Variants in BAAT observed in about 807,000 individuals in gnomAD.
BAAT encodes bile acid-CoA:amino acid N-acyltransferase.
BAAT carries 13 observed loss-of-function variants against 18.9 expected under a neutral mutation model. The ratio of observed to expected loss-of-function variants is 0.69; its 90% confidence interval spans 0.45 to 1.10. The LOEUF is 1.10. BAAT is among the 50% of genes least tolerant of loss of function. The probability of loss-of-function intolerance (pLI) is 0.00; values close to 1 mark genes in which losing one functional copy is unlikely to be tolerated. For missense variants in BAAT, 489 were observed against 504.0 expected (o/e 0.97, Z 0.28); for synonymous variants, 170 against 190.7 (o/e 0.89, Z 0.89).
At chr9:101,363,586 G>A (rs1829773389) in intron 3 of BAAT, among the ~76,000 whole-genome samples, 1 of 151,780 alleles carries the variant, frequency 6.6e-6, no homozygotes, top group African/African-American at 2.4e-5. Flanking sequence ...GAGTCACAGA[G>A]AGAAAAGGAA....
intron 1 of BAAT, among the ~76,000 whole-genome samples, chr9:101,378,497 A>T (rs767933596): frequency 8.5e-5 from 13 of 152,232 alleles, no homozygotes; most frequent in Non-Finnish European, 1.9e-4. Context: ...CCTATTTAAT[A>T]AACGGTCCTG....
intron 3 of BAAT, among the ~76,000 whole-genome samples, chr9:101,367,068 T>C (rs1829840884): frequency 7.2e-6 from 1 of 139,010 alleles, no homozygotes; most frequent in African/African-American, 2.7e-5. Flanking sequence ...GCTGAGATTG[T>C]GCCACTGCCT....
At chr9:101,367,807 C>T (rs1014523872) in intron 3 of BAAT, among the ~76,000 whole-genome samples, 1 of 152,128 alleles carries the variant, frequency 6.6e-6, no homozygotes, top group Non-Finnish European at 1.5e-5. Context: ...AAAAAATAAC[C>T]ATAATATCCT....
At chr9:101,379,154 A>T (rs1288431234) in intron 1 of BAAT, among the ~76,000 whole-genome samples, 1 of 152,224 alleles carries the variant, frequency 6.6e-6, no homozygotes, top group Non-Finnish European at 1.5e-5. Context: ...TACTTCAACC[A>T]TTGTAGAAGA....
chr9:101,366,948 C>A (rs1168324823), intron 3 of BAAT, among the ~76,000 whole-genome samples: 1 of 151,502 alleles, frequency 6.6e-6, no homozygotes, highest in Non-Finnish European at 1.5e-5. Context: ...CCCGTCTCTA[C>A]TAAAAATACA....
At chr9:101,379,117 T>C (rs988348313) in intron 1 of BAAT, among the ~76,000 whole-genome samples, 2 of 152,108 alleles carry the variant, frequency 1.3e-5, no homozygotes, top group Non-Finnish European at 2.9e-5. Flanking sequence ...ATAGGAACAG[T>C]TGTACACTGT....
rs777250925 is a variant in BAAT, at chr9:101,362,506, A to T, written c.1179T>A (p.Ala393=). ...TCTCCTTCCAAGCATGTTCCTGTGCAGCTGCGTGTGGGATCACCTCTCCTC... is the reference window on the plus strand; with the variant it reads ...TCTCCTTCCAAGCATGTTCCTGTGCTGCTGCGTGTGGGATCACCTCTCCTC... ...HWGGEVIPHA[A]AQEHAWKEIQ... Residue 393 remains alanine (A), a synonymous_variant, in exon 4 of 4, where the codon GCT becomes GCA. Coordinates refer to ENST00000259407, the MANE Select transcript of BAAT (RefSeq NM_001701.4). The T allele has an allele frequency of 6.2e-7, 1 of 1,614,132 alleles. No homozygotes were observed. The highest frequency in any genetic ancestry group is 8.5e-7 in the Non-Finnish European group (1 of 1,180,028).
chr9:101,383,791 C>A (rs1346319442), intron 1 of BAAT, among the ~76,000 whole-genome samples: 1 of 152,116 alleles, frequency 6.6e-6, no homozygotes, highest in Non-Finnish European at 1.5e-5. Flanking sequence ...CCTATTGGCA[C>A]CATTAGGGCA....
At chr9:101,384,095 A>G (rs1830169449) in intron 1 of BAAT, among the ~76,000 whole-genome samples, 1 of 152,224 alleles carries the variant, frequency 6.6e-6, no homozygotes, top group South Asian at 2.1e-4. Context: ...TTGAGGTGAT[A>G]GAGCATTTAA....
At chr9:101,372,623 G>GTTTTTTTT (rs5899439) in intron 1 of BAAT, among the ~76,000 whole-genome samples, 1 of 134,254 alleles carries the variant, frequency 7.4e-6, no homozygotes. Context: ...GGGGTTGTTG[G>GTTTTTTTT]TTTTTTTTTT....
chr9:101,364,582 C>A (rs556883934), intron 3 of BAAT, among the ~76,000 whole-genome samples: 3 of 152,264 alleles, frequency 2.0e-5, no homozygotes, highest in South Asian at 4.1e-4. Flanking sequence ...ATAGGAGAAA[C>A]TCATGCAAAA....
chr9:101,365,138 T>C (rs1829804979), intron 3 of BAAT, among the ~76,000 whole-genome samples: 1 of 152,230 alleles, frequency 6.6e-6, no homozygotes, highest in Admixed American at 6.5e-5. Flanking sequence ...AAAATTGTTG[T>C]GTCACAAAAT....
rs748741360 is a variant in BAAT, at chr9:101,362,582, T to C, written c.1103A>G (p.Tyr368Cys). 3.1e-6 allele frequency: 5 copies of C among 1,613,938 alleles called. No individual in the cohort carries two copies. In the African/African-American group the frequency reaches 5.3e-5, roughly 17 times the overall value. Residue 368 changes from tyrosine (Y) to cysteine (C), a missense_variant, in exon 4 of 4, where the codon TAT becomes TGT. Transcript: ENST00000259407. ...PGAGHLIEPPYSPLCCASTTH... is the reference protein window; with the variant it reads ...PGAGHLIEPPCSPLCCASTTH... Reference sequence around the variant, plus strand: ...CGTTGAGGCACAGCACAGAGGAGAATAGGGAGGTTCTATCAGGTGGCCTGC... The same window carrying C: ...CGTTGAGGCACAGCACAGAGGAGAACAGGGAGGTTCTATCAGGTGGCCTGC...
intron 3 of BAAT, among the ~76,000 whole-genome samples, chr9:101,365,187 G>C (rs1829806003): frequency 6.6e-6 from 1 of 152,168 alleles, no homozygotes. Flanking sequence ...TCCTGGCAAG[G>C]ACAGAGTCCT....
At chr9:101,370,032 A>G (rs1175765776) in intron 2 of BAAT, among the ~76,000 whole-genome samples, 1 of 152,180 alleles carries the variant, frequency 6.6e-6, no homozygotes, top group Non-Finnish European at 1.5e-5. Flanking sequence ...TGCATCCTCT[A>G]TATTTGCTGC....
rs1312930523 is a variant in BAAT, at chr9:101,368,239, G to A, written c.550C>T (p.Arg184Cys). The A allele has an allele frequency of 5.0e-6, 8 of 1,613,834 alleles. No individual in the cohort carries two copies. Among genetic ancestry groups the A allele is most frequent in the Non-Finnish European group, 5.1e-6 (6 of 1,179,946 alleles). Reference protein sequence around the residue: ...LEFRASLLASRGFASLALAYH... With the variant: ...LEFRASLLASCGFASLALAYH... ...GCCAAGGCCAAGGAGGCGAAGCCACGACTGGCTAGGAGGCTGGCCCGAAAT... is the reference window on the plus strand; with the variant it reads ...GCCAAGGCCAAGGAGGCGAAGCCACAACTGGCTAGGAGGCTGGCCCGAAAT... The change falls in exon 3 of 4, where the codon CGT (arginine) becomes TGT (cysteine). Residue 184 changes from arginine to cysteine, a missense_variant. Coordinates refer to ENST00000259407, the MANE Select transcript of BAAT (RefSeq NM_001701.4).
At position 101,371,061 on chromosome 9, in the gene BAAT, T is replaced by C; in HGVS notation, c.344A>G (p.Asn115Ser). 1 of 1,614,086 alleles carries C rather than the reference T, an allele frequency of 6.2e-7. No homozygotes were observed. The highest frequency in any genetic ancestry group is 8.5e-7 in the Non-Finnish European group (1 of 1,180,004). Residue 115 changes from asparagine to serine, a missense_variant, in exon 2 of 4, where the codon AAC becomes AGC. By Grantham distance (46) the Asn-to-Ser change is conservative. Coordinates refer to ENST00000259407, the MANE Select transcript of BAAT (RefSeq NM_001701.4). ...VKLYDLELIV[N>S]NKVASAPKAS... ...CTTTGGAGCACTGGCAACTTTATTG[T>C]TCACTATTAACTCTAAGTCATAAAG...
In BAAT at chr9:101,371,213, A is replaced by G; in HGVS notation, c.192T>C (p.Ser64=). 6.2e-7 allele frequency: 1 copy of G among 1,613,972 alleles called. No homozygotes were observed. Among genetic ancestry groups the G allele is most frequent in the South Asian group, 1.1e-5 (1 of 91,080 alleles). The change falls in exon 2 of 4, where the codon TCT becomes TCC. Residue 64 remains serine (S), a synonymous_variant. Transcript: ENST00000259407. ...EFGEVDLNHA[S]SLGGDYMGVH... ...CTCCCATATAATCCCCTCCAAGTGA[A>G]GAAGCATGATTCAGGTCCACCTCAC...
chr9:101,370,871 T>C (rs968594726), intron 2 of BAAT, 68 bp downstream of exon 2: 78 of 1,533,062 alleles, frequency 5.1e-5, no homozygotes, highest in Non-Finnish European at 6.8e-5. Context: ...TCAAGCTAAA[T>C]TTCTAGACGG....
Sources: allele counts gnomAD v4.1 joint callset (sites outside exome capture counted in the v4.1 genomes callset), GRCh38; gene constraint gnomAD v4.1.1; transcripts MANE v1.5; gene names NCBI Gene and HGNC (gene_info 2026-07-23, HGNC 2026-07-21).